Variants in SLC7A14 observed in about 807,000 individuals in gnomAD.
The protein encoded by SLC7A14 is gamma-aminobutyric acid transporter SLC7A14.
A neutral mutation model predicts 60.2 loss-of-function variants in SLC7A14; 37 were observed. The observed-to-expected ratio is 0.61, with a 90% CI of 0.47 to 0.81. The LOEUF is 0.81. Ranked by LOEUF, SLC7A14 falls within the 30% of genes least tolerant of loss-of-function variation. The probability of loss-of-function intolerance (pLI) is 0.00; values close to 1 mark genes in which losing one functional copy is unlikely to be tolerated. For missense variants in SLC7A14, 886 were observed against 982.7 expected (o/e 0.90, Z 1.32); for synonymous variants, 399 against 395.8 (o/e 1.01, Z -0.10).
chr3:170,484,874 G>C (rs370487788), intron 5 of SLC7A14, among the ~76,000 whole-genome samples: 1 of 152,170 alleles, frequency 6.6e-6, no homozygotes, highest in Admixed American at 6.5e-5. Context: ...GTGGGATTGA[G>C]CCTCCTCCAG....
At chr3:170,544,109 C>T (rs893384371) in intron 1 of SLC7A14, among the ~76,000 whole-genome samples, 1 of 152,108 alleles carries the variant, frequency 6.6e-6, no homozygotes. Flanking sequence ...CATTCGGAGC[C>T]TAGTATTGAG....
intron 1 of SLC7A14, among the ~76,000 whole-genome samples, chr3:170,564,095 T>G (rs1320779162): frequency 1.3e-5 from 2 of 152,308 alleles, no homozygotes; most frequent in African/African-American, 4.8e-5. Flanking sequence ...GTGTGACAAG[T>G]ATGGAGCACA....
At chr3:170,512,500 C>T (rs900168134) in intron 2 of SLC7A14, among the ~76,000 whole-genome samples, 3 of 152,196 alleles carry the variant, frequency 2.0e-5, no homozygotes, top group South Asian at 2.1e-4. Context: ...GAGATGGATT[C>T]GGTTACAGTG....
intron 1 of SLC7A14, among the ~76,000 whole-genome samples, chr3:170,580,069 C>T (rs996015357): frequency 2.0e-5 from 3 of 152,084 alleles, no homozygotes; most frequent in Non-Finnish European, 4.4e-5. Flanking sequence ...AAGGAAAATG[C>T]CATAGGGAAT....
At chr3:170,490,331 T>G (rs1186745659) in intron 4 of SLC7A14, among the ~76,000 whole-genome samples, 1 of 151,690 alleles carries the variant, frequency 6.6e-6, no homozygotes, top group Non-Finnish European at 1.5e-5. Flanking sequence ...CACATAAACA[T>G]GCACACACAT....
rs1269451934 is a variant in SLC7A14 at position 170,460,424 on chromosome 3, C to T, written c.*6631G>A. On this transcript the variant is annotated 3_prime_UTR_variant, in exon 8 of 8. Coordinates refer to ENST00000231706, the MANE Select transcript of SLC7A14 (RefSeq NM_020949.3). ...CCCAGACAGTTGAGGTATTTATGCA[C>T]CATCATAACATTAACAGCATCTTTG... The T allele has an allele frequency of 6.6e-6, 1 of 152,190 alleles. No individual in the cohort carries two copies. Among genetic ancestry groups the T allele is most frequent in the African/African-American group, 2.4e-5 (1 of 41,442 alleles). 9.4% of individuals were successfully genotyped at this position (152,190 alleles called of 1,614,324 possible). A position where few individuals can be genotyped will look rare whatever the true frequency, so the allele number is the denominator to read the frequency against.
intron 4 of SLC7A14, among the ~76,000 whole-genome samples, chr3:170,492,102 C>A (rs1712238076): frequency 6.6e-6 from 1 of 152,104 alleles, no homozygotes; most frequent in Non-Finnish European, 1.5e-5. Flanking sequence ...CCCAAAGAAC[C>A]ACTGAAACCG....
chr3:170,540,033 T>A (rs1713971112), intron 1 of SLC7A14, among the ~76,000 whole-genome samples: 1 of 152,134 alleles, frequency 6.6e-6, no homozygotes, highest in Non-Finnish European at 1.5e-5. Flanking sequence ...ATAACTGAGA[T>A]GGCCACCAAG....
chr3:170,526,608 T>G, intron 2 of SLC7A14, 25 bp downstream of exon 2: 1 of 1,608,256 alleles, frequency 6.2e-7, no homozygotes. Context: ...CTTTCCACAG[T>G]ACTTCCCTGC....
chr3:170,501,625 A>G (rs920732422), intron 2 of SLC7A14, among the ~76,000 whole-genome samples: 10 of 152,218 alleles, frequency 6.6e-5, no homozygotes, highest in Admixed American at 1.3e-4. Flanking sequence ...GTGTGTCTCT[A>G]TCATGCTCCT....
intron 1 of SLC7A14, among the ~76,000 whole-genome samples, chr3:170,528,423 G>T (rs1459844645): frequency 1.3e-5 from 2 of 152,206 alleles, no homozygotes; most frequent in Non-Finnish European, 2.9e-5. Context: ...AGTATAGCCA[G>T]ACGTTGATTC....
rs564698342 is a variant in SLC7A14, at chr3:170,550,143, A to G, written c.-152-23055T>C. Reference sequence around the variant, plus strand: ...CCTTTTTAACAGCACACGTTGCATTATAAATGTGATGGGGCATTCTGCCCA... The same window carrying G: ...CCTTTTTAACAGCACACGTTGCATTGTAAATGTGATGGGGCATTCTGCCCA... On this transcript the variant is annotated intron_variant, in intron 1 of 7. Transcript: ENST00000231706. 1.1e-4 allele frequency among the ~76,000 whole-genome samples: 17 copies of G among 152,386 alleles called. 1 individual carries two copies. The highest frequency in any genetic ancestry group is 4.1e-4 in the African/African-American group (17 of 41,604).
At position 170,501,234 on chromosome 3, in the gene SLC7A14, A is replaced by G; in HGVS notation, c.416T>C (p.Leu139Pro). 6.2e-7 allele frequency: 1 copy of G among 1,614,234 alleles called. No homozygotes were observed. Among genetic ancestry groups the G allele is most frequent in the Non-Finnish European group, 8.5e-7 (1 of 1,180,036 alleles). Residue 139 changes from leucine to proline, a missense_variant, in exon 3 of 8, where the codon CTG (leucine) becomes CCG (proline). Physicochemically the swap from Leu to Pro is moderately conservative, Grantham distance 98 (BLOSUM62 -3). Transcript: ENST00000231706. The part of the protein sequence containing the change: ...EFVAFFIGWN[L>P]ILEYLIGTAA... ...AGTGCCAATCAGGTACTCCAGGATC[A>G]GGTTCCAGCCAATGAAAAATGCCAC... is the stretch of plus-strand genomic sequence containing the variant.
intron 7 of SLC7A14, among the ~76,000 whole-genome samples, chr3:170,472,574 G>A (rs181757668): frequency 8.3e-4 from 126 of 152,036 alleles, no homozygotes; most frequent in Non-Finnish European, 1.6e-3. Flanking sequence ...GACCATCCTC[G>A]CTAACACGGT....
At chr3:170,548,711 G>A (rs1577554095) in intron 1 of SLC7A14, among the ~76,000 whole-genome samples, 1 of 152,158 alleles carries the variant, frequency 6.6e-6, no homozygotes, top group African/African-American at 2.4e-5. Flanking sequence ...AAAGAAAACC[G>A]TTAGACCATA....
intron 5 of SLC7A14, 110 bp from the exon 6 acceptor site, chr3:170,483,632 C>T (rs893981942): frequency 2.6e-6 from 3 of 1,151,772 alleles, no homozygotes; most frequent in East Asian, 4.8e-5. Context: ...GCTTGCATGG[C>T]AGTTTGGATC....
intron 1 of SLC7A14, among the ~76,000 whole-genome samples, chr3:170,572,797 T>C (rs1012340875): frequency 1.3e-5 from 2 of 152,220 alleles, no homozygotes; most frequent in African/African-American, 4.8e-5. Flanking sequence ...TCCTCTGCAT[T>C]GTGATGCTGG....
chr3:170,537,786 T>A (rs973758593), intron 1 of SLC7A14, among the ~76,000 whole-genome samples: 1 of 152,192 alleles, frequency 6.6e-6, no homozygotes, highest in Non-Finnish European at 1.5e-5. Flanking sequence ...TGATGGCAGG[T>A]GTCCTGACCT....
intron 1 of SLC7A14, among the ~76,000 whole-genome samples, chr3:170,544,914 G>A (rs757547528): frequency 7.2e-5 from 11 of 152,236 alleles, no homozygotes; most frequent in Admixed American, 2.6e-4. Context: ...GGGCAGCACT[G>A]TCTAGTAGAC....
Sources: allele counts gnomAD v4.1 joint callset (sites outside exome capture counted in the v4.1 genomes callset), GRCh38; gene constraint gnomAD v4.1.1; transcripts MANE v1.5; gene names NCBI Gene and HGNC (gene_info 2026-07-23, HGNC 2026-07-21).